MKLN1: variants seen among roughly 807,000 people sequenced by gnomAD.
MKLN1 encodes muskelin.
In MKLN1, 18 loss-of-function variants were observed where a neutral mutation model predicts 99.0. The observed-to-expected ratio is 0.18, with a 90% CI of 0.13 to 0.27. The LOEUF (loss-of-function observed/expected upper bound fraction) is 0.27, where lower values mean the gene tolerates loss of function less well. Among genes scored for constraint, MKLN1 ranks in the 10% least tolerant of loss-of-function variants. The pLI is 1.00. For missense variants in MKLN1, 621 were observed against 875.9 expected (o/e 0.71, Z 3.67); for synonymous variants, 288 against 293.2 (o/e 0.98, Z 0.18).
chr7:131,288,238 G>A (rs1798162441), intron 3 of MKLN1, among the ~76,000 whole-genome samples: 1 of 152,150 alleles, frequency 6.6e-6, no homozygotes, highest in African/African-American at 2.4e-5. Flanking sequence ...AAAAGAGGTT[G>A]AGATATTTCT....
chr7:131,456,924 A>G (rs1796359548), intron 12 of MKLN1, among the ~76,000 whole-genome samples: 1 of 151,440 alleles, frequency 6.6e-6, no homozygotes. Flanking sequence ...GTTGAGGACT[A>G]CAACTGTCTC....
At chr7:131,444,642 A>G (rs545637068) in intron 11 of MKLN1, among the ~76,000 whole-genome samples, 3 of 151,766 alleles carry the variant, frequency 2.0e-5, no homozygotes, top group East Asian at 3.9e-4. Context: ...CTTGAATGTC[A>G]GGGCTCAAAT....
At chr7:131,121,638 C>CAAAAAAAAAAAAAAAAAAAAAAAA (rs55908773) in intron 1 of MKLN1, among the ~76,000 whole-genome samples, 2 of 72,820 alleles carry the variant, frequency 2.7e-5, no homozygotes, top group Non-Finnish European at 2.6e-5. Flanking sequence ...GACTCCGTCT[C>CAAAAAAAAAAAAAAAAAAAAAAAA]AAAAAAAAAA....
chr7:131,421,148 CT>C (rs1409070483), intron 8 of MKLN1, among the ~76,000 whole-genome samples: 2 of 152,096 alleles, frequency 1.3e-5, no homozygotes, highest in Non-Finnish European at 2.9e-5. Flanking sequence ...AAATTTGTTG[CT>C]TTCTGAACTT....
intron 3 of MKLN1, among the ~76,000 whole-genome samples, chr7:131,252,027 G>A (rs1047867163): frequency 4.6e-5 from 7 of 152,136 alleles, no homozygotes; most frequent in Admixed American, 3.3e-4. Context: ...GGGAAGATGA[G>A]GCATAATTCT....
intron 3 of MKLN1, among the ~76,000 whole-genome samples, chr7:131,263,448 C>T (rs779984228): frequency 3.3e-5 from 5 of 151,708 alleles, no homozygotes; most frequent in Non-Finnish European, 7.4e-5. Context: ...CTGCTCGAGC[C>T]TGGGAGATTG....
At chr7:131,333,746 C>G (rs1305963581) in intron 1 of MKLN1, among the ~76,000 whole-genome samples, 2 of 152,146 alleles carry the variant, frequency 1.3e-5, no homozygotes, top group Admixed American at 6.5e-5. Flanking sequence ...CCGTGTTGGT[C>G]AGGCTGGTCC....
chr7:131,366,071 A>T (rs977922878), intron 1 of MKLN1, among the ~76,000 whole-genome samples: 1 of 152,192 alleles, frequency 6.6e-6, no homozygotes, highest in Non-Finnish European at 1.5e-5. Context: ...TGTGCAATTC[A>T]ACTCCCCTGA....
At chr7:131,356,166 C>G (rs879584848) in intron 1 of MKLN1, among the ~76,000 whole-genome samples, 2 of 150,952 alleles carry the variant, frequency 1.3e-5, no homozygotes, top group African/African-American at 4.9e-5. Flanking sequence ...AGCTTGACCT[C>G]TTGACTTGGG....
intron 2 of MKLN1, among the ~76,000 whole-genome samples, chr7:131,176,077 AG>A (rs1796294464): frequency 6.6e-6 from 1 of 152,212 alleles, no homozygotes; most frequent in African/African-American, 2.4e-5. Context: ...CTCTAAGTTC[AG>A]GGATAAACTT....
chr7:131,468,227 A>G (rs1047702609), intron 15 of MKLN1, among the ~76,000 whole-genome samples: 3 of 152,224 alleles, frequency 2.0e-5, no homozygotes, highest in Admixed American at 6.5e-5. Flanking sequence ...CATCTTGAAA[A>G]TCTTGTCAAC....
intron 17 of MKLN1, among the ~76,000 whole-genome samples, chr7:131,483,448 CACA>C (rs1200159507): frequency 2.0e-5 from 3 of 152,274 alleles, no homozygotes; most frequent in East Asian, 1.9e-4. Flanking sequence ...AGCCTCTGGT[CACA>C]ACATTTTATC....
intron 3 of MKLN1, among the ~76,000 whole-genome samples, chr7:131,262,890 T>G (rs1797754152): frequency 6.6e-6 from 1 of 152,148 alleles, no homozygotes; most frequent in Non-Finnish European, 1.5e-5. Context: ...ACTGTCTCCT[T>G]TCTCCACACT....
intron 15 of MKLN1, among the ~76,000 whole-genome samples, chr7:131,469,585 A>G (rs1425128307): frequency 6.6e-6 from 1 of 152,094 alleles, no homozygotes; most frequent in Non-Finnish European, 1.5e-5. Context: ...GAGCTGTAAT[A>G]TTTTGCTAGT....
chr7:131,314,454 G>T (rs185686117), intron 3 of MKLN1, among the ~76,000 whole-genome samples: 1 of 152,098 alleles, frequency 6.6e-6, no homozygotes, highest in African/African-American at 2.4e-5. Flanking sequence ...ATGGAGTCTC[G>T]CTCTGTCACC....
intron 3 of MKLN1, among the ~76,000 whole-genome samples, chr7:131,305,529 T>A (rs574542910): frequency 1.7e-4 from 26 of 152,314 alleles, no homozygotes; most frequent in African/African-American, 6.0e-4. Flanking sequence ...AAGGTCCCAG[T>A]CTCTGCCTAG....
chr7:131,292,084 A>G (rs748539468), intron 3 of MKLN1, among the ~76,000 whole-genome samples: 9 of 152,256 alleles, frequency 5.9e-5, no homozygotes, highest in Non-Finnish European at 1.0e-4. Flanking sequence ...TCCAGCCTGG[A>G]CAACAGAGCC....
chr7:131,276,373 G>A (rs1406749387), intron 3 of MKLN1, among the ~76,000 whole-genome samples: 4 of 152,148 alleles, frequency 2.6e-5, no homozygotes, highest in African/African-American at 9.7e-5. Context: ...GGGGTTAGAG[G>A]TCTGAAGGGA....
intron 2 of MKLN1, among the ~76,000 whole-genome samples, chr7:131,164,019 C>T (rs1182138779): frequency 3.3e-5 from 5 of 152,026 alleles, no homozygotes; most frequent in Admixed American, 1.3e-4. Context: ...CACAGGGCCT[C>T]GTTCCCAAAT....
Sources: allele counts gnomAD v4.1 joint callset (sites outside exome capture counted in the v4.1 genomes callset), GRCh38; gene constraint gnomAD v4.1.1; transcripts MANE v1.5; gene names NCBI Gene and HGNC (gene_info 2026-07-23, HGNC 2026-07-21).